Variants in EYA2 observed in about 807,000 individuals in gnomAD.
EYA2 encodes protein phosphatase EYA2.
In EYA2, 31 loss-of-function variants were observed where a neutral mutation model predicts 69.2. The observed-to-expected ratio is 0.45, with a 90% CI of 0.34 to 0.60. The LOEUF (loss-of-function observed/expected upper bound fraction) is 0.60, where lower values mean the gene tolerates loss of function less well. EYA2 is among the 20% of genes least tolerant of loss of function. EYA2 has a pLI of 0.02. For synonymous variants in EYA2, 257 were observed against 279.4 expected (o/e 0.92, Z 0.80); for missense variants, 622 against 701.2 (o/e 0.89, Z 1.28).
intron 5 of EYA2, among the ~76,000 whole-genome samples, chr20:47,027,627 G>C (rs1047519428): frequency 4.6e-5 from 7 of 152,306 alleles, no homozygotes; most frequent in Non-Finnish European, 8.8e-5. Flanking sequence ...GCCACTGGAG[G>C]TAACAGGCGG....
At chr20:47,080,365 G>A (rs918964567) in intron 7 of EYA2, among the ~76,000 whole-genome samples, 4 of 149,180 alleles carry the variant, frequency 2.7e-5, no homozygotes, top group Admixed American at 6.8e-5. Context: ...CTTACAGCAC[G>A]AAATACCTGA....
chr20:47,089,476 G>A (rs1359039638), intron 8 of EYA2, 95 bp downstream of exon 8: 1 of 1,397,854 alleles, frequency 7.2e-7, no homozygotes, highest in Non-Finnish European at 9.7e-7. Flanking sequence ...GTACGAGGCG[G>A]AGAATCGCCC....
At chr20:46,971,119 G>A (rs964634531) in intron 1 of EYA2, among the ~76,000 whole-genome samples, 1 of 150,842 alleles carries the variant, frequency 6.6e-6, no homozygotes, top group African/African-American at 2.4e-5. Flanking sequence ...GCACACACAC[G>A]TAAATGCACT....
chr20:47,173,532 A>AAAAAAAAAT (rs2034370795), intron 12 of EYA2, among the ~76,000 whole-genome samples: 1 of 146,986 alleles, frequency 6.8e-6, no homozygotes, highest in African/African-American at 2.6e-5. Flanking sequence ...AAAAAAAAAA[A>AAAAAAAAAT]CGTGCAGGGT....
chr20:47,061,212 G>C (rs12480186), intron 5 of EYA2, among the ~76,000 whole-genome samples: 12,284 of 152,012 alleles, frequency 0.081, 627 homozygotes, highest in East Asian at 0.23. Flanking sequence ...CATTTCCCTA[G>C]CCTTGAAGAA....
chr20:47,142,936 C>T (rs549200153), intron 9 of EYA2, 123 bp from the exon 10 acceptor site: 75 of 648,530 alleles, frequency 1.2e-4, no homozygotes, highest in African/African-American at 1.0e-3. Context: ...TTTTAGGCCA[C>T]GCGTGAGCCG....
At chr20:47,013,163 G>A (rs1163000129) in intron 4 of EYA2, among the ~76,000 whole-genome samples, 1 of 152,190 alleles carries the variant, frequency 6.6e-6, no homozygotes, top group Admixed American at 6.5e-5. Flanking sequence ...CATATGGGGA[G>A]ACTGCAGGGT....
intron 1 of EYA2, among the ~76,000 whole-genome samples, chr20:46,980,397 A>G (rs1478792853): frequency 6.6e-6 from 1 of 152,256 alleles, no homozygotes; most frequent in African/African-American, 2.4e-5. Flanking sequence ...CTCCTCCAAT[A>G]CAATAATAAA....
intron 9 of EYA2, among the ~76,000 whole-genome samples, chr20:47,120,083 C>A (rs2033005719): frequency 6.6e-6 from 1 of 152,184 alleles, no homozygotes; most frequent in Admixed American, 6.5e-5. Context: ...TGGCACACAC[C>A]TGTAGACCCA....
At chr20:47,152,765 C>A (rs1045539825) in intron 10 of EYA2, among the ~76,000 whole-genome samples, 1 of 149,902 alleles carries the variant, frequency 6.7e-6, no homozygotes. Flanking sequence ...GAGCCGAGAT[C>A]GCGCCACTGC....
Position 47,035,494 on chromosome 20 carries a change from C to T in EYA2, c.415+19197C>T, listed in dbSNP as rs779611184. On this transcript the variant is annotated intron_variant, in intron 5 of 15. Transcript: ENST00000327619. ...CCAGCCCCTTCTGTCTGCCACCACC[C>T]GCCACCCCTTCCCGAAGGGGAAGAA... Among the ~76,000 whole-genome samples the T allele has an allele frequency of 8.5e-5, 13 of 152,180 alleles. No homozygotes were observed. In the South Asian group the frequency reaches 1.0e-3, roughly 12 times the overall value.
chr20:47,123,981 CA>C (rs369234559), intron 9 of EYA2, among the ~76,000 whole-genome samples: 127 of 126,900 alleles, frequency 1.0e-3, no homozygotes, highest in Admixed American at 1.0e-3. Flanking sequence ...GATTCCATCT[CA>C]AAAAAAAAAA....
At chr20:46,989,902 A>G in intron 1 of EYA2, 99 bp from the exon 2 acceptor site, 1 of 594,040 alleles carries the variant, frequency 1.7e-6, no homozygotes, top group South Asian at 2.4e-5. Flanking sequence ...GGTTTAGGTA[A>G]TCAGTTGTAA....
chr20:47,165,800 A>G (rs527575014), intron 10 of EYA2, among the ~76,000 whole-genome samples: 12 of 152,264 alleles, frequency 7.9e-5, no homozygotes, highest in African/African-American at 2.4e-4. Context: ...CCCCTCTCTC[A>G]GATTCCAGCC....
At chr20:46,957,230 G>A (rs1979180063) in intron 1 of EYA2, among the ~76,000 whole-genome samples, 1 of 152,212 alleles carries the variant, frequency 6.6e-6, no homozygotes, top group South Asian at 2.1e-4. Context: ...ACCCCTGCGG[G>A]TTACTGTACC....
At chr20:47,172,998 T>C (rs1002259181) in intron 12 of EYA2, 131 bp downstream of exon 12, 1 of 973,478 alleles carries the variant, frequency 1.0e-6, no homozygotes, top group African/African-American at 1.6e-5. Flanking sequence ...AATGCAACCC[T>C]GACGACACCC....
At chr20:46,935,809 A>G (rs973632364) in intron 1 of EYA2, among the ~76,000 whole-genome samples, 4 of 151,892 alleles carry the variant, frequency 2.6e-5, no homozygotes, top group Non-Finnish European at 5.9e-5. Flanking sequence ...AGTTCGTTAT[A>G]TTAATATAAT....
Position 47,018,957 on chromosome 20 carries a change from G to A in EYA2, c.415+2660G>A, listed in dbSNP as rs114017537. ...CCTAATGTCTGCACATAAACATGCGGCTTAATCTCCCCAGTAGCCCCGTGA... is the reference window on the plus strand; with the variant it reads ...CCTAATGTCTGCACATAAACATGCGACTTAATCTCCCCAGTAGCCCCGTGA... On this transcript the variant is annotated intron_variant, in intron 5 of 15. Transcript: ENST00000327619. Among the ~76,000 whole-genome samples, 522 of 152,254 alleles carry A rather than the reference G, an allele frequency of 3.4e-3. 2 individuals carry two copies. The highest frequency in any genetic ancestry group is 0.012 in the African/African-American group (484 of 41,540).
chr20:47,094,972 G>A (rs532430492), intron 8 of EYA2, among the ~76,000 whole-genome samples: 3 of 152,222 alleles, frequency 2.0e-5, no homozygotes, highest in Non-Finnish European at 4.4e-5. Flanking sequence ...GGTCTAGGCT[G>A]CAGTGAGTGA....
Sources: gnomAD v4.1 joint callset for allele counts (sites outside exome capture counted in the v4.1 genomes callset) on GRCh38, gnomAD v4.1.1 for gene constraint, MANE v1.5 for transcripts, NCBI Gene and HGNC (gene_info 2026-07-23, HGNC 2026-07-21) for gene names.